The following JARID2 variants were observed in gnomAD, a reference collection of about 807,000 sequenced individuals.
The protein encoded by JARID2 is jumonji and AT-rich interaction domain containing 2.
In JARID2, 21 loss-of-function variants were observed where a neutral mutation model predicts 125.6. The observed-to-expected ratio is 0.17, with a 90% CI of 0.12 to 0.24. The LOEUF (loss-of-function observed/expected upper bound fraction) is 0.24. Among genes scored for constraint, JARID2 ranks in the 10% least tolerant of loss-of-function variants. The pLI is 1.00. For missense variants in JARID2, 1,303 were observed against 1,639.6 expected (o/e 0.79, Z 3.55); for synonymous variants, 736 against 661.6 (o/e 1.11, Z -1.73).
intron 1 of JARID2, among the ~76,000 whole-genome samples, chr6:15,249,603 G>A (rs1759359710): frequency 6.6e-6 from 1 of 152,178 alleles, no homozygotes; most frequent in South Asian, 2.1e-4. Context: ...AAAACAGTAT[G>A]CCTCTTTATA....
At chr6:15,421,656 T>A (rs566018981) in intron 3 of JARID2, among the ~76,000 whole-genome samples, 7 of 152,304 alleles carry the variant, frequency 4.6e-5, no homozygotes, top group African/African-American at 1.7e-4. Context: ...AATACCTGTT[T>A]TTAAGGTTTT....
chr6:15,434,374 A>G (rs1767112978), intron 3 of JARID2, among the ~76,000 whole-genome samples: 1 of 152,184 alleles, frequency 6.6e-6, no homozygotes, highest in Non-Finnish European at 1.5e-5. Context: ...GCACATAGAT[A>G]GATTACGAGG....
chr6:15,414,896 A>AG (rs773614484), intron 3 of JARID2, among the ~76,000 whole-genome samples: 1 of 151,968 alleles, frequency 6.6e-6, no homozygotes, highest in African/African-American at 2.4e-5. Flanking sequence ...ACAATAGTGG[A>AG]GGGAGGGTCA....
intron 1 of JARID2, among the ~76,000 whole-genome samples, chr6:15,252,932 C>T (rs1366663121): frequency 6.6e-6 from 1 of 152,138 alleles, no homozygotes; most frequent in Non-Finnish European, 1.5e-5. Context: ...GTGAGAACTC[C>T]GTGGTATCTG....
intron 1 of JARID2, among the ~76,000 whole-genome samples, chr6:15,341,057 C>A (rs764013874): frequency 3.3e-5 from 5 of 152,170 alleles, no homozygotes; most frequent in Non-Finnish European, 7.4e-5. Context: ...AAAAGGAAGT[C>A]TTTTCTTTTA....
chr6:15,278,051 C>T (rs1265471293), intron 1 of JARID2, among the ~76,000 whole-genome samples: 1 of 150,794 alleles, frequency 6.6e-6, no homozygotes, highest in African/African-American at 2.4e-5. Context: ...AGTTTGAGAT[C>T]AGCCTGGCCA....
intron 2 of JARID2, among the ~76,000 whole-genome samples, chr6:15,374,825 A>G (rs1387295383): frequency 1.3e-5 from 2 of 152,220 alleles, no homozygotes; most frequent in Non-Finnish European, 2.9e-5. Context: ...AACAGGGTTC[A>G]TATGGTGCAG....
intron 1 of JARID2, among the ~76,000 whole-genome samples, chr6:15,300,802 T>G (rs1209777075): frequency 6.6e-6 from 1 of 150,600 alleles, no homozygotes; most frequent in Non-Finnish European, 1.5e-5. Flanking sequence ...TTATGTATGA[T>G]TCTTAGAGGT....
chr6:15,367,230 T>C (rs1046043508), intron 1 of JARID2, among the ~76,000 whole-genome samples: 1 of 152,210 alleles, frequency 6.6e-6, no homozygotes, highest in African/African-American at 2.4e-5. Flanking sequence ...TGTCAGAAAA[T>C]TGATTTTTAA....
intron 4 of JARID2, among the ~76,000 whole-genome samples, chr6:15,462,227 T>C (rs1436572781): frequency 6.6e-6 from 1 of 152,190 alleles, no homozygotes; most frequent in Non-Finnish European, 1.5e-5. Context: ...GCAAATACTT[T>C]TAGGATGGTA....
intron 2 of JARID2, among the ~76,000 whole-genome samples, chr6:15,402,817 G>T (rs1008075762): frequency 6.6e-6 from 1 of 152,098 alleles, no homozygotes. Context: ...TTATATTTTG[G>T]TGCGTATTTA....
intron 7 of JARID2, among the ~76,000 whole-genome samples, chr6:15,499,590 C>T (rs1317954494): frequency 1.3e-5 from 2 of 152,080 alleles, no homozygotes; most frequent in Non-Finnish European, 2.9e-5. Context: ...GAGACAGTAC[C>T]CACCTGCCCT....
At chr6:15,427,352 A>G (rs184739002) in intron 3 of JARID2, among the ~76,000 whole-genome samples, 18 of 152,326 alleles carry the variant, frequency 1.2e-4, no homozygotes, top group Admixed American at 8.5e-4. Flanking sequence ...GCTCCTGGCA[A>G]ACATACTAGC....
At chr6:15,253,600 T>A (rs1759539107) in intron 1 of JARID2, among the ~76,000 whole-genome samples, 1 of 152,112 alleles carries the variant, frequency 6.6e-6, no homozygotes, top group South Asian at 2.1e-4. Flanking sequence ...GCAGCTCGAC[T>A]ACCACTCTGG....
intron 1 of JARID2, among the ~76,000 whole-genome samples, chr6:15,307,477 C>G (rs550184169): frequency 1.3e-5 from 2 of 152,060 alleles, no homozygotes; most frequent in Admixed American, 1.3e-4. Flanking sequence ...CCTGTGACTC[C>G]CAAAGTTCTG....
At chr6:15,261,784 ATT>A (rs58582193) in intron 1 of JARID2, among the ~76,000 whole-genome samples, 6 of 134,820 alleles carry the variant, frequency 4.5e-5, no homozygotes, top group Non-Finnish European at 6.4e-5. Context: ...AAATTCAGGG[ATT>A]TTTTTTTTTT....
chr6:15,305,261 A>C (rs1017994589), intron 1 of JARID2, among the ~76,000 whole-genome samples: 2 of 152,088 alleles, frequency 1.3e-5, no homozygotes, highest in Admixed American at 6.5e-5. Context: ...CATCCTGCAC[A>C]CTGTCCCTCC....
chr6:15,284,245 TTC>T (rs2127383663), intron 1 of JARID2, among the ~76,000 whole-genome samples: 2 of 152,330 alleles, frequency 1.3e-5, no homozygotes, highest in African/African-American at 4.8e-5. Flanking sequence ...TGGAATTTAC[TTC>T]TCTGGAATCC....
At chr6:15,363,679 TGA>T (rs1763876183) in intron 1 of JARID2, among the ~76,000 whole-genome samples, 1 of 152,214 alleles carries the variant, frequency 6.6e-6, no homozygotes, top group African/African-American at 2.4e-5. Context: ...AATGTTTGTG[TGA>T]TAAGTATGCT....
Sources: gnomAD v4.1 joint callset for allele counts (sites outside exome capture counted in the v4.1 genomes callset) on GRCh38, gnomAD v4.1.1 for gene constraint, MANE v1.5 for transcripts, NCBI Gene and HGNC (gene_info 2026-07-23, HGNC 2026-07-21) for gene names.